The following SGCE variants were observed in gnomAD, a reference collection of about 807,000 sequenced individuals.
SGCE encodes sarcoglycan epsilon.
SGCE carries 26 observed loss-of-function variants against 57.8 expected under a neutral mutation model. That is an observed-to-expected ratio of 0.45 (90% CI 0.33 to 0.62). The LOEUF (loss-of-function observed/expected upper bound fraction) is 0.62, where lower values mean the gene tolerates loss of function less well. SGCE is among the 20% of genes least tolerant of loss of function. The pLI is 0.02. For missense variants in SGCE, 468 were observed against 548.6 expected, an observed-to-expected ratio of 0.85 and a Z score of 1.47; for synonymous variants, 183 against 189.5, an observed-to-expected ratio of 0.97 and a Z score of 0.28.
intron 1 of SGCE, among the ~76,000 whole-genome samples, chr7:94,640,375 T>A (rs886574183): frequency 1.3e-5 from 2 of 152,198 alleles, no homozygotes; most frequent in African/African-American, 4.8e-5. Context: ...ATCAGGCTCT[T>A]ACATAGAAAG....
At chr7:94,605,722 C>G (rs1302258824) in intron 5 of SGCE, among the ~76,000 whole-genome samples, 1 of 151,182 alleles carries the variant, frequency 6.6e-6, no homozygotes, top group African/African-American at 2.4e-5. Context: ...AAAAAATGCT[C>G]AATGAAAACT....
intron 9 of SGCE, among the ~76,000 whole-genome samples, chr7:94,593,993 A>G (rs746964811): frequency 2.0e-5 from 3 of 152,128 alleles, no homozygotes; most frequent in Non-Finnish European, 4.4e-5. Flanking sequence ...TCAGAGCCCC[A>G]GAATGTGTAC....
intron 6 of SGCE, among the ~76,000 whole-genome samples, chr7:94,601,404 T>C (rs1049995180): frequency 3.9e-5 from 5 of 127,786 alleles, no homozygotes; most frequent in Non-Finnish European, 7.7e-5. Flanking sequence ...CTAGGGAATA[T>C]GGAACCTATC....
At chr7:94,618,249 G>A (rs1802234471) in intron 5 of SGCE, 1 of 156,440 alleles carries the variant, frequency 6.4e-6, no homozygotes, top group Non-Finnish European at 1.4e-5. Context: ...AGGAGTTCAG[G>A]GTTTGCCCAG....
intron 3 of SGCE, chr7:94,624,510 A>G (rs1803382728): frequency 3.2e-6 from 1 of 307,722 alleles, no homozygotes; most frequent in East Asian, 5.0e-5. Context: ...CCAAATTTCC[A>G]TCATATTTAA....
intron 5 of SGCE, among the ~76,000 whole-genome samples, chr7:94,606,747 A>C (rs1584569040): frequency 6.6e-6 from 1 of 152,342 alleles, no homozygotes; most frequent in Middle Eastern, 3.4e-3. Flanking sequence ...AAAGGAATGG[A>C]AATCATACAC....
chr7:94,654,692 C>G (rs1329749718), intron 1 of SGCE, among the ~76,000 whole-genome samples: 4 of 152,146 alleles, frequency 2.6e-5, no homozygotes, highest in Non-Finnish European at 5.9e-5. Flanking sequence ...CCTAGAAAGG[C>G]TCTCTTTTAA....
At chr7:94,599,027 A>G in intron 8 of SGCE, 64 bp from the exon 9 acceptor site, 2 of 1,199,850 alleles carry the variant, frequency 1.7e-6, no homozygotes, top group Non-Finnish European at 2.4e-6. Flanking sequence ...TGGGTCATCA[A>G]TTTGAAAAAC....
intron 1 of SGCE, among the ~76,000 whole-genome samples, chr7:94,638,988 C>T (rs557271062): frequency 9.2e-5 from 14 of 152,044 alleles, no homozygotes; most frequent in Non-Finnish European, 1.8e-4. Flanking sequence ...GTTAAATGTA[C>T]GTTTTTCAGT....
At chr7:94,649,670 T>A (rs1358166936) in intron 1 of SGCE, among the ~76,000 whole-genome samples, 2 of 152,200 alleles carry the variant, frequency 1.3e-5, no homozygotes, top group Non-Finnish European at 2.9e-5. Flanking sequence ...CATGGGGCCC[T>A]TCTATGAAAG....
At chr7:94,628,689 A>C in intron 2 of SGCE, 1 of 271,080 alleles carries the variant, frequency 3.7e-6, no homozygotes, top group Non-Finnish European at 7.1e-6. Flanking sequence ...ATGCTAATGT[A>C]CTCATTCTTT....
intron 9 of SGCE, chr7:94,590,834 T>A (rs1584484957): frequency 1.3e-5 from 2 of 152,316 alleles, no homozygotes; most frequent in South Asian, 2.1e-4. Flanking sequence ...TGATATGAAT[T>A]ATTTCAGCCA....
chr7:94,648,610 T>G (rs933816685), intron 1 of SGCE, among the ~76,000 whole-genome samples: 2 of 152,308 alleles, frequency 1.3e-5, no homozygotes, highest in African/African-American at 4.8e-5. Flanking sequence ...CTGTTTCTAC[T>G]TCGGCAGTAC....
At chr7:94,586,857 A>T (rs1796977129) in intron 10 of SGCE, 9 of 960,616 alleles carry the variant, frequency 9.4e-6, no homozygotes, top group Non-Finnish European at 1.1e-5. Flanking sequence ...GCATAATTAT[A>T]AAAAAAAATG....
At chr7:94,642,567 C>T (rs886130832) in intron 1 of SGCE, among the ~76,000 whole-genome samples, 4 of 152,190 alleles carry the variant, frequency 2.6e-5, no homozygotes, top group Non-Finnish European at 1.5e-5. Flanking sequence ...ACAATTCCGT[C>T]AGGTAATTCA....
rs138881114 is a variant in SGCE at position 94,628,137 on chromosome 7, TACACACAC to T, written c.390+57_390+64del. 1.2e-5 allele frequency: 12 copies of T among 992,012 alleles called. No homozygotes were observed. In the African/African-American group the frequency reaches 1.3e-4, roughly 11 times the overall value. The allele number at this position is 992,012 out of a possible 1,614,324, so 61.5% of individuals were successfully genotyped here. ...TCAACACTTAAAACTCAAATTACAA[TACACACAC>T]ACACACACACACACACACATATATG... On this transcript the variant is annotated intron_variant, in intron 3 of 10. Coordinates refer to ENST00000648936, the MANE Select transcript of SGCE (RefSeq NM_003919.3).
chr7:94,588,389 C>T, intron 10 of SGCE: 2 of 1,163,622 alleles, frequency 1.7e-6, no homozygotes, highest in South Asian at 2.3e-5. Flanking sequence ...TCTTTCATAC[C>T]AAGGGGAAGA....
At chr7:94,597,617 C>T (rs894272244) in intron 9 of SGCE, 2 of 152,260 alleles carry the variant, frequency 1.3e-5, no homozygotes, top group East Asian at 1.9e-4. Context: ...GCCATTCCAT[C>T]TATAAAAGTA....
rs115607708 is a variant in SGCE, at chr7:94,614,916, G to A, written c.662+3842C>T. 4.2e-3 allele frequency among the ~76,000 whole-genome samples: 637 copies of A among 152,210 alleles called. 1 individual carries two copies. Among genetic ancestry groups the A allele is most frequent in the African/African-American group, 0.015 (604 of 41,528 alleles). The stretch of plus-strand genomic sequence containing the variant: ...CAGAAGAGTAGATATTAAACATATA[G>A]TTGCATTGACTTCATTTGTTTTTTT... On this transcript the variant is annotated intron_variant, in intron 5 of 10. Transcript: ENST00000648936.
Sources: gnomAD v4.1 joint callset for allele counts (sites outside exome capture counted in the v4.1 genomes callset) on GRCh38, gnomAD v4.1.1 for gene constraint, MANE v1.5 for transcripts, NCBI Gene and HGNC (gene_info 2026-07-23, HGNC 2026-07-21) for gene names.